PAQR5: variants seen among roughly 807,000 people sequenced by gnomAD.
PAQR5 encodes the protein progestin and adipoQ receptor family member 5, also known as membrane progestin receptor gamma.
In PAQR5, 20 loss-of-function variants were observed where a neutral mutation model predicts 34.5. The observed-to-expected ratio is 0.58, with a 90% CI of 0.41 to 0.84. The LOEUF is 0.84. Among genes scored for constraint, PAQR5 ranks in the 40% least tolerant of loss-of-function variants. The pLI, the probability that PAQR5 is intolerant of heterozygous loss-of-function variation, is 0.00. For missense variants in PAQR5, 378 were observed against 412.7 expected (o/e 0.92, Z 0.73); for synonymous variants, 131 against 155.6 (o/e 0.84, Z 1.18).
At chr15:69,402,201 G>T (rs2056650176) in intron 8 of PAQR5, among the ~76,000 whole-genome samples, 1 of 152,196 alleles carries the variant, frequency 6.6e-6, no homozygotes, top group East Asian at 1.9e-4. Flanking sequence ...CAAAGCGTTG[G>T]CAAGTAGGCT....
At chr15:69,304,185 G>A (rs1374204892) in intron 1 of PAQR5, among the ~76,000 whole-genome samples, 2 of 152,078 alleles carry the variant, frequency 1.3e-5, no homozygotes, top group Admixed American at 1.3e-4. Context: ...AACCACCTTC[G>A]ATGGGCTCCC....
intron 5 of PAQR5, 102 bp from the exon 6 acceptor site, chr15:69,389,552 G>A: frequency 4.7e-6 from 7 of 1,478,792 alleles, no homozygotes; most frequent in Non-Finnish European, 6.5e-6. Context: ...CAGGACTGTG[G>A]GAATGATAAG....
rs756418051 is a variant in PAQR5, at chr15:69,379,955, C to T, written c.124C>T (p.Leu42Phe). 12 of 1,614,118 alleles carry T rather than the reference C, an allele frequency of 7.4e-6. No individual in the cohort carries two copies. In the Admixed American group the frequency reaches 1.0e-4, roughly 13 times the overall value. The stretch of plus-strand genomic sequence containing the variant: ...TTCTGCCACTGCCTGCATCCTCAGC[C>T]TTTTCCAAATGACCAATGAGACTCT... ...QSSATACILS[L>F]FQMTNETLNI... The change falls in exon 4 of 9, where the codon CTT (leucine) becomes TTT (phenylalanine). Residue 42 changes from leucine (L) to phenylalanine (F), a missense_variant. Leu to Phe is a conservative substitution (Grantham distance 22). Coordinates refer to ENST00000395407, the MANE Select transcript of PAQR5 (RefSeq NM_017705.4).
At position 69,300,866 on chromosome 15, in the gene PAQR5, T is replaced by C. The variant is rs1161949184; in HGVS notation, c.-277+1810T>C. Among the ~76,000 whole-genome samples, 32 of 24,316 alleles carry C rather than the reference T, an allele frequency of 1.3e-3. 6 individuals are homozygous for C. The highest frequency in any genetic ancestry group is 3.4e-3 in the African/African-American group (30 of 8,832). 16.0% of individuals were successfully genotyped at this position (24,316 alleles called of 152,430 possible). ...TTTTCTTTCTTTCTTTCTTTCTTTCTTTCTTTCTTTCTTTCTTTCTTTCTT... is the reference window on the plus strand; with the variant it reads ...TTTTCTTTCTTTCTTTCTTTCTTTCCTTCTTTCTTTCTTTCTTTCTTTCTT... On this transcript the variant is annotated intron_variant, in intron 1 of 8. Coordinates refer to ENST00000395407, the MANE Select transcript of PAQR5 (RefSeq NM_017705.4).
At chr15:69,348,476 G>C (rs12914960) in intron 2 of PAQR5, among the ~76,000 whole-genome samples, 120,012 of 152,124 alleles carry the variant, frequency 0.79, 50,796 homozygotes, top group Non-Finnish European at 0.95. Context: ...GATGGCTGAG[G>C]TGAGGGTGAA....
rs141275500 is a variant in PAQR5, at chr15:69,322,083, T to C, written c.-276-15258T>C. Among the ~76,000 whole-genome samples, 467 of 138,912 alleles carry C rather than the reference T, an allele frequency of 3.4e-3. 32 individuals carry two copies. Among genetic ancestry groups the C allele is most frequent in the African/African-American group, 0.013 (455 of 34,438 alleles). 91.1% of individuals were successfully genotyped at this position (138,912 alleles called of 152,430 possible). A position where few individuals can be genotyped will look rare whatever the true frequency, so the allele number is the denominator to read the frequency against. On this transcript the variant is annotated intron_variant, in intron 1 of 8. Coordinates refer to ENST00000395407, the MANE Select transcript of PAQR5 (RefSeq NM_017705.4). ...CAAGAAGACTGGTGGCTTATGCCTG[T>C]AATCCCAGCACTTTTGGAGGCCAAG... is the stretch of plus-strand genomic sequence containing the variant.
intron 1 of PAQR5, among the ~76,000 whole-genome samples, chr15:69,329,024 C>T (rs6494792): frequency 0.88 from 133,358 of 152,282 alleles, 60,336 homozygotes; most frequent in Non-Finnish European, 0.99. Flanking sequence ...CTTGGAGCCA[C>T]GCCAACAAAT....
At chr15:69,354,526 G>A (rs1382598376) in intron 2 of PAQR5, among the ~76,000 whole-genome samples, 2 of 152,186 alleles carry the variant, frequency 1.3e-5, no homozygotes, top group African/African-American at 4.8e-5. Context: ...AGGGATGAGT[G>A]CATTTTGGGT....
intron 7 of PAQR5, among the ~76,000 whole-genome samples, chr15:69,399,210 GGATGTGCT>G (rs2056545080): frequency 6.6e-6 from 1 of 152,186 alleles, no homozygotes; most frequent in South Asian, 2.1e-4. Context: ...CCAGTTCAGT[GGATGTGCT>G]GATAAAAAGT....
At position 69,322,799 on chromosome 15, in the gene PAQR5, AGAAGAGGAAGAG is replaced by A. The variant is rs1427060758; in HGVS notation, c.-276-14536_-276-14525del. On this transcript the variant is annotated intron_variant, in intron 1 of 8. Coordinates refer to ENST00000395407, the MANE Select transcript of PAQR5 (RefSeq NM_017705.4). Reference sequence around the variant, plus strand: ...GAGAAGAAGAAGACGAGGAAGAAGAAGAAGAGGAAGAGGAAGAAGAAGAAGAAGAAGAAGAAG... The same window carrying A: ...GAGAAGAAGAAGACGAGGAAGAAGAAGAAGAAGAAGAAGAAGAAGAAGAAG... 2.8e-3 allele frequency among the ~76,000 whole-genome samples: 386 copies of A among 140,038 alleles called. 78 individuals carry two copies. The highest frequency in any genetic ancestry group is 7.6e-3 in the African/African-American group (258 of 34,034). 91.9% of individuals were successfully genotyped at this position (140,038 alleles called of 152,430 possible).
At chr15:69,360,198 G>A in intron 3 of PAQR5, 67 bp downstream of exon 3, 1 of 1,227,796 alleles carries the variant, frequency 8.1e-7, no homozygotes, top group East Asian at 2.3e-5. Flanking sequence ...TCCGCAATGG[G>A]GGGCTGTTGT....
chr15:69,397,218 C>A, intron 6 of PAQR5: 1 of 635,890 alleles, frequency 1.6e-6, no homozygotes, highest in Non-Finnish European at 2.9e-6. Context: ...CTGGCTTAGT[C>A]TGGACACCAC....
chr15:69,359,062 C>T (rs1175736569), intron 2 of PAQR5, among the ~76,000 whole-genome samples: 1 of 152,138 alleles, frequency 6.6e-6, no homozygotes, highest in Non-Finnish European at 1.5e-5. Context: ...CCAGCAGATT[C>T]CCCGTCTGGT....
At chr15:69,342,350 T>C (rs905931171) in intron 2 of PAQR5, among the ~76,000 whole-genome samples, 1 of 152,028 alleles carries the variant, frequency 6.6e-6, no homozygotes, top group Non-Finnish European at 1.5e-5. Flanking sequence ...GGGAAAAATA[T>C]CTATTCAAGC....
chr15:69,320,352 C>T (rs1356595933), intron 1 of PAQR5, among the ~76,000 whole-genome samples: 2 of 152,308 alleles, frequency 1.3e-5, no homozygotes, highest in African/African-American at 4.8e-5. Flanking sequence ...CTCCCCTGAC[C>T]CTTGGTGAGC....
At chr15:69,393,398 C>T (rs1236715959) in intron 6 of PAQR5, among the ~76,000 whole-genome samples, 1 of 140,088 alleles carries the variant, frequency 7.1e-6, no homozygotes, top group East Asian at 2.1e-4. Context: ...ATCTGGAGGC[C>T]TGAATTTCAA....
intron 1 of PAQR5, among the ~76,000 whole-genome samples, chr15:69,310,856 G>A (rs1169663462): frequency 6.6e-6 from 1 of 151,696 alleles, no homozygotes; most frequent in Non-Finnish European, 1.5e-5. Context: ...GGCTAACACG[G>A]TGAAACCCCG....
intron 3 of PAQR5, 41 bp from the exon 4 acceptor site, chr15:69,379,842 C>G (rs753300101): frequency 1.2e-6 from 2 of 1,603,338 alleles, no homozygotes; most frequent in African/African-American, 2.7e-5. Flanking sequence ...TCGTGCCACC[C>G]TCTGGTCTCA....
chr15:69,356,280 G>A (rs2055075240), intron 2 of PAQR5, among the ~76,000 whole-genome samples: 1 of 152,164 alleles, frequency 6.6e-6, no homozygotes. Flanking sequence ...AGGTGAATTG[G>A]TGGTGCTTCT....
Sources: allele counts gnomAD v4.1 joint callset (sites outside exome capture counted in the v4.1 genomes callset), GRCh38; gene constraint gnomAD v4.1.1; transcripts MANE v1.5; gene names NCBI Gene and HGNC (gene_info 2026-07-23, HGNC 2026-07-21).